The following DOCK3 variants were observed in gnomAD, a reference collection of about 807,000 sequenced individuals.
DOCK3 encodes the protein dedicator of cytokinesis protein 3.
Under a neutral mutation model 265.6 loss-of-function variants are expected in DOCK3, and 60 were observed. That is an observed-to-expected ratio of 0.23 (90% CI 0.18 to 0.28). The LOEUF (loss-of-function observed/expected upper bound fraction) is 0.28, where lower values mean the gene tolerates loss of function less well. Ranked by LOEUF, DOCK3 falls within the 10% of genes least tolerant of loss-of-function variation. DOCK3 has a pLI of 1.00. For synonymous variants in DOCK3, 881 were observed against 938.0 expected (o/e 0.94, Z 1.11); for missense variants, 1,981 against 2,594.3 (o/e 0.76, Z 5.14).
At chr3:51,234,331 T>C (rs1201216580) in intron 19 of DOCK3, among the ~76,000 whole-genome samples, 1 of 152,234 alleles carries the variant, frequency 6.6e-6, no homozygotes, top group East Asian at 1.9e-4. Context: ...CCCATCTTTT[T>C]GATTGCGTTG....
chr3:51,022,643 G>T (rs566405542), intron 5 of DOCK3, among the ~76,000 whole-genome samples: 4 of 152,076 alleles, frequency 2.6e-5, no homozygotes, highest in African/African-American at 9.7e-5. Flanking sequence ...TAGTTTGCAA[G>T]TATTTTCTCC....
chr3:51,216,058 A>G (rs1190389948), intron 14 of DOCK3, among the ~76,000 whole-genome samples: 1 of 152,120 alleles, frequency 6.6e-6, no homozygotes, highest in Non-Finnish European at 1.5e-5. Flanking sequence ...TTTAAAAATT[A>G]GGTATCTAGG....
intron 3 of DOCK3, among the ~76,000 whole-genome samples, chr3:50,848,652 G>A (rs1475058247): frequency 6.6e-6 from 1 of 152,208 alleles, no homozygotes; most frequent in African/African-American, 2.4e-5. Context: ...CTGTTGAGAA[G>A]TCCACTGTTA....
At chr3:51,357,713 G>A (rs2086457211) in intron 44 of DOCK3, 45 bp from the exon 45 acceptor site, 1 of 1,604,020 alleles carries the variant, frequency 6.2e-7, no homozygotes. Flanking sequence ...CACTTAAGTA[G>A]TAGTCCTGGG....
At chr3:51,108,916 A>G (rs1329323162) in intron 9 of DOCK3, among the ~76,000 whole-genome samples, 2 of 152,156 alleles carry the variant, frequency 1.3e-5, no homozygotes, top group African/African-American at 4.8e-5. Flanking sequence ...AGAAACTTAG[A>G]CTCCCACACA....
intron 23 of DOCK3, among the ~76,000 whole-genome samples, chr3:51,269,668 G>A (rs2080393151): frequency 6.6e-6 from 1 of 152,120 alleles, no homozygotes; most frequent in African/African-American, 2.4e-5. Context: ...TCACCTTTTT[G>A]TCTCAAGATG....
At chr3:50,847,832 G>A (rs558939217) in intron 3 of DOCK3, among the ~76,000 whole-genome samples, 3 of 130,738 alleles carry the variant, frequency 2.3e-5, no homozygotes, top group South Asian at 2.5e-4. Context: ...GCAGTGAGCC[G>A]AGATTGTGCC....
intron 1 of DOCK3, among the ~76,000 whole-genome samples, chr3:50,748,932 C>T (rs952929741): frequency 1.3e-5 from 2 of 152,070 alleles, no homozygotes; most frequent in African/African-American, 2.4e-5. Context: ...GTTTAAAATG[C>T]CTTCTTATGT....
At chr3:51,036,227 G>A (rs534237583) in intron 5 of DOCK3, among the ~76,000 whole-genome samples, 27 of 152,220 alleles carry the variant, frequency 1.8e-4, no homozygotes, top group African/African-American at 5.8e-4. Context: ...TTTATAGGAG[G>A]ATCAATTTGC....
intron 29 of DOCK3, 67 bp downstream of exon 29, chr3:51,312,146 T>A (rs2083101488): frequency 7.1e-7 from 1 of 1,407,084 alleles, no homozygotes; most frequent in Middle Eastern, 1.8e-4. Flanking sequence ...CCAAGCTCAC[T>A]TGTTTTTTGC....
chr3:50,902,865 TTCTCCCTGAAG>T (rs1559791442), intron 4 of DOCK3, among the ~76,000 whole-genome samples: 1 of 152,188 alleles, frequency 6.6e-6, no homozygotes, highest in Non-Finnish European at 1.5e-5. Flanking sequence ...CGGTTTGTAG[TTCTCCCTGAAG>T]AGGTCCTACA....
intron 6 of DOCK3, among the ~76,000 whole-genome samples, chr3:51,075,093 G>T (rs2082011430): frequency 6.6e-6 from 1 of 152,146 alleles, no homozygotes; most frequent in Admixed American, 6.5e-5. Flanking sequence ...ACTCAAGCAT[G>T]CTGATATAAT....
intron 2 of DOCK3, among the ~76,000 whole-genome samples, chr3:50,809,412 C>T (rs942571450): frequency 9.2e-5 from 14 of 152,140 alleles, no homozygotes; most frequent in Non-Finnish European, 1.6e-4. Context: ...AATTAAAACA[C>T]GATACCAAGT....
At chr3:50,915,035 A>G (rs1228717328) in intron 4 of DOCK3, among the ~76,000 whole-genome samples, 1 of 152,028 alleles carries the variant, frequency 6.6e-6, no homozygotes, top group Non-Finnish European at 1.5e-5. Context: ...AGTTGGATAT[A>G]GATTGCCCAC....
chr3:50,880,673 T>G (rs2047976614), intron 3 of DOCK3: 4 of 152,636 alleles, frequency 2.6e-5, no homozygotes, highest in Admixed American at 2.6e-4. Context: ...ACCAGACAGA[T>G]TCACAGCTGA....
intron 2 of DOCK3, among the ~76,000 whole-genome samples, chr3:50,796,207 AT>A (rs888553215): frequency 8.2e-5 from 12 of 147,138 alleles, no homozygotes; most frequent in Non-Finnish European, 1.3e-4. Context: ...TGCCCAGCTA[AT>A]TTTTTTTTGT....
At chr3:50,790,348 G>A (rs992861075) in intron 2 of DOCK3, among the ~76,000 whole-genome samples, 1 of 151,908 alleles carries the variant, frequency 6.6e-6, no homozygotes, top group Non-Finnish European at 1.5e-5. Flanking sequence ...CATCATTGTG[G>A]TTGTTGCCTG....
chr3:51,072,694 C>T (rs1013793187), intron 6 of DOCK3, among the ~76,000 whole-genome samples: 1 of 152,068 alleles, frequency 6.6e-6, no homozygotes, highest in Non-Finnish European at 1.5e-5. Flanking sequence ...AGGCCTGAGC[C>T]ATGGCGCTCA....
At chr3:50,775,813 C>G (rs952127179) in intron 1 of DOCK3, among the ~76,000 whole-genome samples, 5 of 149,938 alleles carry the variant, frequency 3.3e-5, no homozygotes, top group African/African-American at 4.9e-5. Flanking sequence ...TAGCGTAGCT[C>G]CCACTTATAG....
Sources: gnomAD v4.1 joint callset for allele counts (sites outside exome capture counted in the v4.1 genomes callset) on GRCh38, gnomAD v4.1.1 for gene constraint, MANE v1.5 for transcripts, NCBI Gene and HGNC (gene_info 2026-07-23, HGNC 2026-07-21) for gene names.